The following KSR2 variants were observed in gnomAD, a reference collection of about 807,000 sequenced individuals.
KSR2 encodes the protein kinase suppressor of ras 2.
In KSR2, 25 loss-of-function variants were observed where a neutral mutation model predicts 107.8. That is an observed-to-expected ratio of 0.23 (90% CI 0.17 to 0.32). The LOEUF (loss-of-function observed/expected upper bound fraction) is 0.32, where lower values mean the gene tolerates loss of function less well. Ranked by LOEUF, KSR2 falls within the 10% of genes least tolerant of loss-of-function variation. KSR2 has a pLI of 1.00. For missense variants in KSR2, 887 were observed against 1,268.9 expected, an observed-to-expected ratio of 0.70 and a Z score of 4.57; for synonymous variants, 480 against 507.0, an observed-to-expected ratio of 0.95 and a Z score of 0.71.
At chr12:117,796,541 G>A (rs943425077) in intron 3 of KSR2, among the ~76,000 whole-genome samples, 5 of 152,272 alleles carry the variant, frequency 3.3e-5, no homozygotes, top group Middle Eastern at 3.4e-3. Flanking sequence ...GAATCTCATC[G>A]TGTTGGGCGA....
intron 4 of KSR2, among the ~76,000 whole-genome samples, chr12:117,755,232 C>A (rs1214053163): frequency 6.6e-6 from 1 of 152,194 alleles, no homozygotes; most frequent in Non-Finnish European, 1.5e-5. Context: ...AAAGGACACA[C>A]AGGCATATCT....
intron 10 of KSR2, among the ~76,000 whole-genome samples, chr12:117,533,661 C>T (rs1303974714): frequency 6.6e-6 from 1 of 152,186 alleles, no homozygotes; most frequent in Non-Finnish European, 1.5e-5. Flanking sequence ...GGAAAGACGA[C>T]CCGAGGCTCT....
intron 3 of KSR2, among the ~76,000 whole-genome samples, chr12:117,820,176 TAC>T (rs1891514899): frequency 2.0e-5 from 3 of 152,194 alleles, no homozygotes; most frequent in Admixed American, 1.3e-4. Flanking sequence ...GGTTCCCCCC[TAC>T]CCAGCTCTAT....
intron 5 of KSR2, among the ~76,000 whole-genome samples, chr12:117,665,445 G>A (rs948839907): frequency 7.2e-5 from 11 of 152,272 alleles, no homozygotes; most frequent in Non-Finnish European, 1.3e-4. Flanking sequence ...GAGGGGGCCC[G>A]GCTGACATTC....
At chr12:117,723,892 T>C (rs1174419346) in intron 4 of KSR2, among the ~76,000 whole-genome samples, 2 of 152,234 alleles carry the variant, frequency 1.3e-5, no homozygotes, top group African/African-American at 4.8e-5. Context: ...CTAGTATAGA[T>C]ATCAAGAAAA....
Position 117,530,982 on chromosome 12 carries a change from C to T in KSR2, c.1761G>A (p.Arg587=). The T allele has an allele frequency of 6.2e-7, 1 of 1,613,620 alleles. No homozygotes were observed. Among genetic ancestry groups the T allele is most frequent in the Non-Finnish European group, 8.5e-7 (1 of 1,179,728 alleles). The change falls in exon 12 of 20, where the codon CGG becomes CGA. Residue 587 remains arginine (R), a synonymous_variant. Transcript: ENST00000339824. ...DVVPVPETPT[R]APQVILHPVT... ...CCGGATGCAGGATGACCTGGGGCGC[C>T]CGGGTCGGCGTCTCCGGCACCGGCA... is the stretch of plus-strand genomic sequence containing the variant.
chr12:117,757,720 T>C (rs993361177), intron 4 of KSR2, among the ~76,000 whole-genome samples: 4 of 152,252 alleles, frequency 2.6e-5, no homozygotes, highest in Admixed American at 2.0e-4. Context: ...AGATGATCAT[T>C]AGTGTTTTTT....
intron 14 of KSR2, among the ~76,000 whole-genome samples, chr12:117,523,890 T>C (rs1874932906): frequency 6.6e-6 from 1 of 152,140 alleles, no homozygotes; most frequent in South Asian, 2.1e-4. Context: ...GAGAATCGCT[T>C]GAACCCGGGA....
intron 1 of KSR2, among the ~76,000 whole-genome samples, chr12:117,919,011 G>A (rs1447220653): frequency 6.6e-6 from 1 of 151,840 alleles, no homozygotes; most frequent in African/African-American, 2.4e-5. Context: ...GGTGCACGCT[G>A]TAGTAGTCCC....
intron 3 of KSR2, among the ~76,000 whole-genome samples, chr12:117,761,836 T>C (rs1424879368): frequency 6.6e-6 from 1 of 152,208 alleles, no homozygotes; most frequent in East Asian, 1.9e-4. Flanking sequence ...GTTGTATGCA[T>C]GTTATATGCA....
At chr12:117,565,625 A>G (rs780002092) in intron 7 of KSR2, among the ~76,000 whole-genome samples, 7 of 152,118 alleles carry the variant, frequency 4.6e-5, no homozygotes, top group Non-Finnish European at 1.0e-4. Context: ...AATAATAATT[A>G]TTTCCCTTTA....
chr12:117,527,304 C>CACACACAG (rs1875250393), intron 12 of KSR2, among the ~76,000 whole-genome samples, 185 bp from the exon 13 acceptor site: 9 of 124,502 alleles, frequency 7.2e-5, no homozygotes, highest in African/African-American at 4.1e-4. Context: ...CACACACAGA[C>CACACACAG]ACACACACAC....
At chr12:117,686,574 G>A (rs1042470290) in intron 4 of KSR2, among the ~76,000 whole-genome samples, 1 of 152,010 alleles carries the variant, frequency 6.6e-6, no homozygotes, top group Non-Finnish European at 1.5e-5. Context: ...GGATAAAAAA[G>A]CTCATTGTCA....
Position 117,459,771 on chromosome 12 carries a change from A to G in KSR2, c.*7428T>C, listed in dbSNP as rs1287092989. On this transcript the variant is annotated 3_prime_UTR_variant, in exon 20 of 20. Transcript: ENST00000339824. ...ATGTGGTGTTCTTGTTCATGGAACC[A>G]CTGTCCACATGGATGGAATCGGGCT... The G allele has an allele frequency of 6.6e-6, 1 of 152,256 alleles. No individual in the cohort carries two copies. Among genetic ancestry groups the G allele is most frequent in the East Asian group, 1.9e-4 (1 of 5,198 alleles). 9.4% of individuals were successfully genotyped at this position (152,256 alleles called of 1,614,324 possible). A position where few individuals can be genotyped will look rare whatever the true frequency, so the allele number is the denominator to read the frequency against.
At chr12:117,474,006 T>G (rs1871628091) in intron 17 of KSR2, among the ~76,000 whole-genome samples, 1 of 152,222 alleles carries the variant, frequency 6.6e-6, no homozygotes, top group Non-Finnish European at 1.5e-5. Flanking sequence ...AAAAAGTTCA[T>G]TTTTGTTCTA....
intron 14 of KSR2, among the ~76,000 whole-genome samples, chr12:117,497,358 C>A (rs574748098): frequency 6.6e-6 from 1 of 152,250 alleles, no homozygotes; most frequent in Admixed American, 6.5e-5. Context: ...ATAGGATCAC[C>A]AGGGTAGGTA....
chr12:117,836,646 T>C (rs1040784308), intron 3 of KSR2, among the ~76,000 whole-genome samples: 7 of 152,222 alleles, frequency 4.6e-5, no homozygotes, highest in Non-Finnish European at 7.3e-5. Flanking sequence ...CCTTCCTGAC[T>C]GTGCCACAAA....
intron 5 of KSR2, among the ~76,000 whole-genome samples, chr12:117,644,683 A>G (rs547335888): frequency 2.6e-5 from 4 of 152,190 alleles, no homozygotes; most frequent in South Asian, 4.1e-4. Context: ...AAGTGGGGAA[A>G]AGAGGGATTC....
intron 5 of KSR2, among the ~76,000 whole-genome samples, chr12:117,585,645 G>C (rs191147983): frequency 8.1e-5 from 12 of 147,862 alleles, no homozygotes; most frequent in African/African-American, 3.0e-4. Flanking sequence ...AAAGGGAAGG[G>C]GAAAAAATAT....
Sources: allele counts gnomAD v4.1 joint callset (sites outside exome capture counted in the v4.1 genomes callset), GRCh38; gene constraint gnomAD v4.1.1; transcripts MANE v1.5; gene names NCBI Gene and HGNC (gene_info 2026-07-23, HGNC 2026-07-21).